The following MYO1H variants were observed in gnomAD, a reference collection of about 807,000 sequenced individuals.
The protein encoded by MYO1H is unconventional myosin-Ih.
Under a neutral mutation model 149.3 loss-of-function variants are expected in MYO1H, and 118 were observed. The observed-to-expected ratio is 0.79, with a 90% CI of 0.68 to 0.92. The LOEUF is 0.92. Ranked by LOEUF, MYO1H falls within the 40% of genes least tolerant of loss-of-function variation. The pLI is 0.00. For synonymous variants in MYO1H, 447 were observed against 465.2 expected (o/e 0.96, Z 0.50); for missense variants, 1,212 against 1,280.7 (o/e 0.95, Z 0.82).
At chr12:109,327,637 T>C in the MYO1H span, among the ~76,000 whole-genome samples, 1 of 145,136 alleles carries the variant, frequency 6.9e-6, no homozygotes, top group Non-Finnish European at 1.5e-5. Context: ...TCGCAGCTAC[T>C]CAGGAGGCTG....
chr12:109,385,523 G>A (rs1869286830), intron 1 of MYO1H, among the ~76,000 whole-genome samples: 1 of 152,056 alleles, frequency 6.6e-6, no homozygotes, highest in South Asian at 2.1e-4. Context: ...AAACTCCTGG[G>A]CTCAAGTGAT....
chr12:109,350,050 G>A (rs1299171973), intron 1 of MYO1H, among the ~76,000 whole-genome samples: 2 of 151,404 alleles, frequency 1.3e-5, no homozygotes, highest in Non-Finnish European at 2.9e-5. Context: ...ACCTCAGAAG[G>A]AGCTGAGTTT....
chr12:109,407,076 A>T (rs1592798908), intron 9 of MYO1H, among the ~76,000 whole-genome samples: 1 of 151,936 alleles, frequency 6.6e-6, no homozygotes, highest in Non-Finnish European at 1.5e-5. Context: ...CATACTGTCT[A>T]TGTCTTCCCT....
the MYO1H span, among the ~76,000 whole-genome samples, chr12:109,339,318 T>C: frequency 1.3e-4 from 20 of 152,204 alleles, no homozygotes; most frequent in Non-Finnish European, 1.3e-4. Context: ...TGAGCCAAGA[T>C]AGCACCATTG....
chr12:109,340,015 G>A, the MYO1H span, among the ~76,000 whole-genome samples: 51 of 152,242 alleles, frequency 3.3e-4, no homozygotes, highest in African/African-American at 1.2e-3. Flanking sequence ...TCAGATTACA[G>A]CATTGTTTAT....
intron 6 of MYO1H, among the ~76,000 whole-genome samples, chr12:109,402,455 T>G (rs1331225373): frequency 6.6e-6 from 1 of 152,122 alleles, no homozygotes; most frequent in Non-Finnish European, 1.5e-5. Context: ...AAAGAAGCCT[T>G]GACAAAAGTT....
intron 5 of MYO1H, among the ~76,000 whole-genome samples, chr12:109,398,251 A>C (rs1367062956): frequency 6.6e-6 from 1 of 150,874 alleles, no homozygotes; most frequent in Non-Finnish European, 1.5e-5. Context: ...ATCATGAGCA[A>C]GTAAACGGAC....
chr12:109,330,714 G>A, the MYO1H span, among the ~76,000 whole-genome samples: 1 of 152,084 alleles, frequency 6.6e-6, no homozygotes, highest in Non-Finnish European at 1.5e-5. Flanking sequence ...GTTCTAGAAC[G>A]AAACACCACC....
intron 1 of MYO1H, among the ~76,000 whole-genome samples, chr12:109,378,010 C>T (rs1869119326): frequency 6.6e-6 from 1 of 152,196 alleles, no homozygotes; most frequent in African/African-American, 2.4e-5. Context: ...AAAAACATAA[C>T]CACTATGCCA....
At chr12:109,326,038 T>C in the MYO1H span, among the ~76,000 whole-genome samples, 4 of 152,170 alleles carry the variant, frequency 2.6e-5, no homozygotes, top group Admixed American at 6.5e-5. Flanking sequence ...TTCTTCGGTA[T>C]TGGGTAAAGG....
At chr12:109,446,424 A>G (rs1257162338) in intron 31 of MYO1H, 6 of 985,332 alleles carry the variant, frequency 6.1e-6, no homozygotes, top group East Asian at 1.1e-4. Context: ...GTCTGTGAAC[A>G]TGGAGTGTCT....
intron 15 of MYO1H, among the ~76,000 whole-genome samples, chr12:109,419,470 G>T (rs930766624): frequency 1.3e-5 from 2 of 152,146 alleles, no homozygotes; most frequent in African/African-American, 2.4e-5. Flanking sequence ...GGCTTTCTGT[G>T]GGGGGAGTGA....
the MYO1H span, among the ~76,000 whole-genome samples, chr12:109,336,040 G>A: frequency 6.6e-6 from 1 of 151,956 alleles, no homozygotes; most frequent in Non-Finnish European, 1.5e-5. Context: ...AAGTGCAGTG[G>A]CACAATCATG....
At chr12:109,415,398 C>G (rs1331401458) in intron 14 of MYO1H, 128 bp from the exon 15 acceptor site, 6 of 742,974 alleles carry the variant, frequency 8.1e-6, no homozygotes, top group Non-Finnish European at 1.3e-5. Context: ...TCGCTTAAAC[C>G]CAGGGGGTCG....
In MYO1H at chr12:109,424,503, A is replaced by G. The variant is rs564500321; in HGVS notation, c.1645-245A>G. Among the ~76,000 whole-genome samples the G allele has an allele frequency of 2.0e-5, 3 of 152,326 alleles. No homozygotes were observed. In the East Asian group the frequency reaches 5.8e-4, roughly 29 times the overall value. ...AGTTTATTCTGAAGCAGCTGCACTG[A>G]ACCAGGGACAATGTCGGAGAAAAAA... is the stretch of plus-strand genomic sequence containing the variant. On this transcript the variant is annotated intron_variant, in intron 16 of 31. Transcript: ENST00000310903.
chr12:109,342,591 G>A, the MYO1H span, among the ~76,000 whole-genome samples: 4 of 140,756 alleles, frequency 2.8e-5, no homozygotes, highest in Non-Finnish European at 4.5e-5. Context: ...CACACAGGCT[G>A]GAGTGCAGTG....
At chr12:109,399,071 C>T (rs554731268) in intron 5 of MYO1H, among the ~76,000 whole-genome samples, 36 of 152,206 alleles carry the variant, frequency 2.4e-4, no homozygotes, top group East Asian at 2.1e-3. Context: ...TGTATGAGCA[C>T]GGAGCTCAAT....
intron 5 of MYO1H, among the ~76,000 whole-genome samples, chr12:109,399,984 G>C (rs1035349298): frequency 6.6e-6 from 1 of 152,086 alleles, no homozygotes; most frequent in African/African-American, 2.4e-5. Flanking sequence ...ACTGCCCACT[G>C]TTCTGACCTC....
chr12:109,410,880 G>A lies in MYO1H; in HGVS notation c.1410+112G>A, dbSNP rs928040384. On this transcript the variant is annotated intron_variant, in intron 13 of 31. Coordinates refer to ENST00000310903, the Ensembl canonical transcript of MYO1H. ...AGCCAGGCCAGGCACGGTGGCTCACGCCTGTAATTCCAACACTTTGGGAGG... is the reference window on the plus strand; with the variant it reads ...AGCCAGGCCAGGCACGGTGGCTCACACCTGTAATTCCAACACTTTGGGAGG... 26 of 711,068 alleles carry A rather than the reference G, an allele frequency of 3.7e-5. No homozygotes were observed. The South Asian group carries it at 3.8e-4, about 10-fold the overall frequency. 44.0% of individuals were successfully genotyped at this position (711,068 alleles called of 1,614,324 possible).
Sources: gnomAD v4.1 joint callset for allele counts (sites outside exome capture counted in the v4.1 genomes callset) on GRCh38, gnomAD v4.1.1 for gene constraint, MANE v1.5 for transcripts, NCBI Gene and HGNC (gene_info 2026-07-23, HGNC 2026-07-21) for gene names.